The following RUNX2 variants were observed in gnomAD, a reference collection of about 807,000 sequenced individuals.
RUNX2 encodes RUNX family transcription factor 2, also known as runt-related transcription factor 2.
RUNX2 carries 10 observed loss-of-function variants against 51.7 expected under a neutral mutation model. The ratio of observed to expected loss-of-function variants is 0.19; its 90% CI spans 0.12 to 0.33. The LOEUF (loss-of-function observed/expected upper bound fraction) is 0.33. Among genes scored for constraint, RUNX2 ranks in the 10% least tolerant of loss-of-function variants. RUNX2 has a pLI of 1.00. For missense variants in RUNX2, 562 were observed against 691.3 expected (o/e 0.81, Z 2.10); for synonymous variants, 276 against 273.6 (o/e 1.01, Z -0.09).
intron 2 of RUNX2, among the ~76,000 whole-genome samples, chr6:45,418,836 G>T (rs1452213459): frequency 2.6e-5 from 4 of 152,154 alleles, no homozygotes; most frequent in African/African-American, 9.7e-5. Context: ...ATAAATAACT[G>T]TAGGATATTT....
chr6:45,342,328 C>G (rs1285177826), intron 2 of RUNX2, among the ~76,000 whole-genome samples: 1 of 152,064 alleles, frequency 6.6e-6, no homozygotes, highest in Non-Finnish European at 1.5e-5. Context: ...GTGGCACAAT[C>G]TCAGCTCACT....
intron 5 of RUNX2, among the ~76,000 whole-genome samples, chr6:45,483,123 A>C (rs2150401163): frequency 6.6e-6 from 1 of 152,264 alleles, no homozygotes; most frequent in East Asian, 1.9e-4. Context: ...TCTACTCACG[A>C]GCTATCCTGT....
At chr6:45,335,951 C>T (rs866895531) in intron 2 of RUNX2, among the ~76,000 whole-genome samples, 2 of 151,180 alleles carry the variant, frequency 1.3e-5, no homozygotes, top group African/African-American at 4.8e-5. Context: ...AAGATAATGC[C>T]TATGGAGATA....
rs753518844 is a variant in RUNX2, at chr6:45,492,128, A to G, written c.859+14A>G. On this transcript the variant is annotated intron_variant, in intron 6 of 8. Transcript: ENST00000647337. ...GTCAGATTACAGGTAAGACAGACTCATAGGTTTCACTTGCATAGACGCTGG... is the reference window on the plus strand; with the variant it reads ...GTCAGATTACAGGTAAGACAGACTCGTAGGTTTCACTTGCATAGACGCTGG... The G allele has an allele frequency of 3.7e-6, 6 of 1,612,466 alleles. No individual in the cohort carries two copies. The East Asian group carries it at 1.3e-4, about 36-fold the overall frequency.
At chr6:45,523,177 G>C (rs1172552964) in intron 7 of RUNX2, among the ~76,000 whole-genome samples, 1 of 152,082 alleles carries the variant, frequency 6.6e-6, no homozygotes, top group African/African-American at 2.4e-5. Context: ...AATATTATTT[G>C]ATTACTTCAT....
At chr6:45,519,836 G>GTGTGTGTT (rs1430887373) in intron 7 of RUNX2, among the ~76,000 whole-genome samples, 1 of 134,538 alleles carries the variant, frequency 7.4e-6, no homozygotes, top group Non-Finnish European at 1.6e-5. Context: ...GTGTGTGTGT[G>GTGTGTGTT]TATATATTTG....
chr6:45,329,854 C>T (rs1329529078), intron 2 of RUNX2, among the ~76,000 whole-genome samples: 2 of 151,884 alleles, frequency 1.3e-5, no homozygotes, highest in Admixed American at 1.3e-4. Context: ...TTATGATCTC[C>T]AACATGTTCC....
intron 2 of RUNX2, among the ~76,000 whole-genome samples, chr6:45,342,265 T>A (rs1056160480): frequency 1.3e-5 from 2 of 152,018 alleles, no homozygotes; most frequent in Admixed American, 1.3e-4. Flanking sequence ...TATAACACAA[T>A]CTCAATTTTT....
chr6:45,499,964 A>T (rs1313681050), intron 6 of RUNX2, among the ~76,000 whole-genome samples: 3 of 152,174 alleles, frequency 2.0e-5, no homozygotes, highest in South Asian at 2.1e-4. Context: ...GTGTATGCAT[A>T]CCTGTCCCCT....
At chr6:45,545,416 C>T in intron 8 of RUNX2, 134 bp downstream of exon 8, 1 of 958,466 alleles carries the variant, frequency 1.0e-6, no homozygotes, top group Admixed American at 2.7e-5. Flanking sequence ...AAATGCACAT[C>T]ATGGCACTTA....
intron 7 of RUNX2, among the ~76,000 whole-genome samples, chr6:45,515,002 C>T (rs1217553674): frequency 6.6e-6 from 1 of 150,778 alleles, no homozygotes; most frequent in Non-Finnish European, 1.5e-5. Flanking sequence ...CATTCCTGTG[C>T]CTTTAGTCTT....
chr6:45,495,065 G>A (rs1800606898), intron 6 of RUNX2, among the ~76,000 whole-genome samples: 2 of 152,192 alleles, frequency 1.3e-5, no homozygotes, highest in Admixed American at 1.3e-4. Flanking sequence ...AGGCCACTGT[G>A]TTATCTTCTT....
chr6:45,435,808 G>C (rs1359383173), intron 4 of RUNX2, among the ~76,000 whole-genome samples: 1 of 152,178 alleles, frequency 6.6e-6, no homozygotes, highest in Non-Finnish European at 1.5e-5. Flanking sequence ...TGGGCCCATA[G>C]ACCACTAATC....
Position 45,510,720 on chromosome 6 carries a change from A to T in RUNX2, c.860-1526A>T, listed in dbSNP as rs1801116163. 2.6e-5 allele frequency among the ~76,000 whole-genome samples: 4 copies of T among 151,808 alleles called. No individual in the cohort carries two copies. The South Asian group carries it at 8.3e-4, about 32-fold the overall frequency. ...CAGATATGTTTGAAACATGGAACTTACCCTATGTCACCCAGAGTTTTTTTT... is the reference window on the plus strand; with the variant it reads ...CAGATATGTTTGAAACATGGAACTTTCCCTATGTCACCCAGAGTTTTTTTT... On this transcript the variant is annotated intron_variant, in intron 6 of 8. Coordinates refer to ENST00000647337, the MANE Select transcript of RUNX2 (RefSeq NM_001024630.4).
intron 5 of RUNX2, among the ~76,000 whole-genome samples, chr6:45,485,348 A>G (rs1800241752): frequency 6.6e-6 from 1 of 151,770 alleles, no homozygotes; most frequent in African/African-American, 2.4e-5. Flanking sequence ...GATTACAGGC[A>G]TGTGCCATCA....
intron 2 of RUNX2, among the ~76,000 whole-genome samples, chr6:45,413,152 G>C (rs956460109): frequency 6.6e-6 from 1 of 152,144 alleles, no homozygotes; most frequent in Non-Finnish European, 1.5e-5. Context: ...ACACTTATGG[G>C]AATGAAAGAA....
intron 7 of RUNX2, among the ~76,000 whole-genome samples, chr6:45,514,042 GGGGT>G (rs1343695141): frequency 2.0e-5 from 3 of 152,134 alleles, no homozygotes; most frequent in African/African-American, 7.2e-5. Flanking sequence ...GCTTCTGTTT[GGGGT>G]CCCCTGGGGC....
intron 2 of RUNX2, among the ~76,000 whole-genome samples, chr6:45,393,120 A>C (rs1244667968): frequency 6.6e-6 from 1 of 151,890 alleles, no homozygotes; most frequent in Non-Finnish European, 1.5e-5. Context: ...TCTCAATTAG[A>C]GTTCTTAGCA....
At chr6:45,330,895 G>A (rs1787343697) in intron 2 of RUNX2, among the ~76,000 whole-genome samples, 1 of 151,894 alleles carries the variant, frequency 6.6e-6, no homozygotes, top group Non-Finnish European at 1.5e-5. Flanking sequence ...TTATCACATT[G>A]CAAACATTTC....
Sources: gnomAD v4.1 joint callset for allele counts (sites outside exome capture counted in the v4.1 genomes callset) on GRCh38, gnomAD v4.1.1 for gene constraint, MANE v1.5 for transcripts, NCBI Gene and HGNC (gene_info 2026-07-23, HGNC 2026-07-21) for gene names.